Variants in DMXL1 observed in about 807,000 individuals in gnomAD.
DMXL1 encodes Dmx like 1.
In DMXL1, 99 loss-of-function variants were observed where a neutral mutation model predicts 319.2. The observed-to-expected ratio is 0.31, with a 90% CI of 0.26 to 0.37. The LOEUF (loss-of-function observed/expected upper bound fraction) is 0.37. Ranked by LOEUF, DMXL1 falls within the 10% of genes least tolerant of loss-of-function variation. The probability of loss-of-function intolerance (pLI) is 1.00; values close to 1 mark genes in which losing one functional copy is unlikely to be tolerated. For missense variants in DMXL1, 3,745 were observed against 3,595.6 expected (o/e 1.04, Z -1.06); for synonymous variants, 1,385 against 1,235.2 (o/e 1.12, Z -2.54).
intron 32 of DMXL1, among the ~76,000 whole-genome samples, chr5:119,202,290 G>C (rs1780842864): frequency 6.6e-6 from 1 of 152,058 alleles, no homozygotes; most frequent in South Asian, 2.1e-4. Context: ...AGATCCTATG[G>C]CCCTAGGTTA....
At position 119,102,918 on chromosome 5, in the gene DMXL1, A is replaced by G. The variant is rs375178697; in HGVS notation, c.285+912A>G. Among the ~76,000 whole-genome samples the G allele has an allele frequency of 1.8e-4, 27 of 152,240 alleles. 1 individual carries two copies. The East Asian group carries it at 3.3e-3, about 18-fold the overall frequency. On this transcript the variant is annotated intron_variant, in intron 3 of 43. Coordinates refer to ENST00000539542, the MANE Select transcript of DMXL1 (RefSeq NM_001290321.3). ...AAGGAAACAACAGACACTGAGGTCTACTTGAGGGTGGAGTGTGGCAGAAGG... is the reference window on the plus strand; with the variant it reads ...AAGGAAACAACAGACACTGAGGTCTGCTTGAGGGTGGAGTGTGGCAGAAGG...
Position 119,134,167 on chromosome 5 carries a change from G to C in DMXL1, c.2243G>C (p.Ser748Thr), listed in dbSNP as rs1765504404. The C allele has an allele frequency of 6.2e-7, 1 of 1,612,566 alleles. No individual in the cohort carries two copies. Among genetic ancestry groups the C allele is most frequent in the African/African-American group, 1.3e-5 (1 of 74,774 alleles). The stretch of plus-strand genomic sequence containing the variant: ...GCATGGCTGCCCACTCTTATACCCA[G>C]TTATTGTCTGGGTAAGTATTCTGGT... The part of the protein sequence containing the change: ...NVAWLPTLIP[S>T]YCLGAYCNSP... The change falls in exon 12 of 44, where the codon AGT (serine) becomes ACT (threonine). Residue 748 changes from serine to threonine, a missense_variant. By Grantham distance (58) the Ser-to-Thr change is moderately conservative. This residue lies in a region of DMXL1 where 2,096 missense variants were observed against 1,985.4 expected (regional missense o/e 1.06). Coordinates refer to ENST00000539542, the MANE Select transcript of DMXL1 (RefSeq NM_001290321.3).
At chr5:119,159,328 C>G (rs2150193963) in intron 19 of DMXL1, among the ~76,000 whole-genome samples, 1 of 152,316 alleles carries the variant, frequency 6.6e-6, no homozygotes, top group South Asian at 2.1e-4. Context: ...AACTTCTGAC[C>G]TCAAGTAATC....
intron 40 of DMXL1, among the ~76,000 whole-genome samples, chr5:119,238,673 A>G (rs1015835862): frequency 2.0e-5 from 3 of 152,198 alleles, no homozygotes; most frequent in African/African-American, 7.2e-5. Flanking sequence ...AAAGAGATTC[A>G]TAACGGGTCA....
At chr5:119,189,599 T>C (rs1179329583) in intron 28 of DMXL1, 109 bp from the exon 29 acceptor site, 3 of 972,564 alleles carry the variant, frequency 3.1e-6, no homozygotes, top group Non-Finnish European at 1.5e-6. Context: ...CTCAATCTTA[T>C]TTTTTTGTGT....
intron 37 of DMXL1, among the ~76,000 whole-genome samples, chr5:119,223,389 A>C (rs1784981915): frequency 6.6e-6 from 1 of 152,094 alleles, no homozygotes; most frequent in Non-Finnish European, 1.5e-5. Flanking sequence ...CCTGGAATCT[A>C]AGCTCTTCGA....
At chr5:119,089,271 T>C (rs1754062962) in intron 1 of DMXL1, among the ~76,000 whole-genome samples, 2 of 68,036 alleles carry the variant, frequency 2.9e-5, no homozygotes, top group South Asian at 1.5e-3. Context: ...TGCATATATA[T>C]ATATACATAT....
chr5:119,118,289 T>G (rs544636754), intron 7 of DMXL1, among the ~76,000 whole-genome samples: 1 of 152,322 alleles, frequency 6.6e-6, no homozygotes, highest in Non-Finnish European at 1.5e-5. Flanking sequence ...TGTGACAGTG[T>G]GCAGGTGCCT....
At chr5:119,155,378 A>T (rs150844877) in intron 19 of DMXL1, among the ~76,000 whole-genome samples, 193 of 152,332 alleles carry the variant, frequency 1.3e-3, no homozygotes, top group African/African-American at 4.6e-3. Context: ...TCAAAATATC[A>T]ACATTAACAA....
intron 19 of DMXL1, among the ~76,000 whole-genome samples, chr5:119,155,985 G>C (rs1444433304): frequency 1.3e-5 from 2 of 152,172 alleles, no homozygotes; most frequent in Admixed American, 6.5e-5. Flanking sequence ...TGTAAACTTA[G>C]TTGATAGAGC....
intron 39 of DMXL1, among the ~76,000 whole-genome samples, chr5:119,235,524 GA>G (rs919492277): frequency 7.9e-5 from 12 of 151,732 alleles, no homozygotes; most frequent in East Asian, 7.7e-4. Context: ...TATTTCAGAA[GA>G]AAAAAATGGA....
chr5:119,099,669 A>G (rs1174453623), intron 2 of DMXL1, among the ~76,000 whole-genome samples: 1 of 152,156 alleles, frequency 6.6e-6, no homozygotes, highest in Non-Finnish European at 1.5e-5. Flanking sequence ...AATATGAGCT[A>G]TCTTTTTGTG....
At position 119,075,474 on chromosome 5, in the gene DMXL1, A is replaced by C. The variant is rs866302379; in HGVS notation, c.87+3818A>C. Among the ~76,000 whole-genome samples the C allele has an allele frequency of 2.6e-5, 4 of 151,622 alleles. No homozygotes were observed. The East Asian group carries it at 5.8e-4, about 22-fold the overall frequency. ...GGCTGGTCTTGAACTCCTCACCTCA[A>C]ATGATCCGCCCACCTCGGCCTCCCC... On this transcript the variant is annotated intron_variant, in intron 1 of 43. Transcript: ENST00000539542.
chr5:119,224,652 A>G (rs550942782), intron 37 of DMXL1, 57 bp from the exon 38 acceptor site: 3 of 636,250 alleles, frequency 4.7e-6, no homozygotes, highest in Admixed American at 3.1e-5. Flanking sequence ...TCCTGTCACA[A>G]TTTAAATGTT....
intron 34 of DMXL1, among the ~76,000 whole-genome samples, chr5:119,208,307 G>A (rs553871406): frequency 6.0e-5 from 9 of 150,424 alleles, no homozygotes; most frequent in East Asian, 2.0e-4. Flanking sequence ...TCCGCCTCCC[G>A]GGTTCAAGCG....
chr5:119,170,474 T>C lies in DMXL1; in HGVS notation c.5683T>C (p.Ser1895Pro). The change falls in exon 24 of 44, where the codon TCT becomes CCT. Residue 1895 changes from serine (S) to proline (P), a missense_variant. This residue lies in a region of DMXL1 where 1,382 missense variants were observed against 1,269.5 expected (regional missense o/e 1.09). Transcript: ENST00000539542. The part of the protein sequence containing the change: ...IKKTRPFYRA[S>P]SFLDTSKDCS... Reference sequence around the variant, plus strand: ...GAAAACAAGACCTTTTTATAGGGCTTCTAGTTTTCTGGATACTAGTAAAGA... The same window carrying C: ...GAAAACAAGACCTTTTTATAGGGCTCCTAGTTTTCTGGATACTAGTAAAGA... 6.2e-7 allele frequency: 1 copy of C among 1,613,794 alleles called. No homozygotes were observed. Among genetic ancestry groups the C allele is most frequent in the South Asian group, 1.1e-5 (1 of 91,024 alleles).
At chr5:119,143,418 A>G (rs1767851835) in intron 13 of DMXL1, among the ~76,000 whole-genome samples, 1 of 152,040 alleles carries the variant, frequency 6.6e-6, no homozygotes. Flanking sequence ...TAGCAGTGTG[A>G]CCTTGACTAA....
chr5:119,209,657 A>T (rs1410675536), intron 34 of DMXL1, among the ~76,000 whole-genome samples: 1 of 152,138 alleles, frequency 6.6e-6, no homozygotes, highest in Non-Finnish European at 1.5e-5. Flanking sequence ...CTTGCATCAC[A>T]TTCTTACCAA....
intron 5 of DMXL1, among the ~76,000 whole-genome samples, chr5:119,110,697 C>A (rs995331457): frequency 2.0e-5 from 3 of 152,002 alleles, no homozygotes; most frequent in Admixed American, 6.6e-5. Context: ...CTTAAAAGGA[C>A]AAATATGGGA....
Sources: gnomAD v4.1 joint callset for allele counts (sites outside exome capture counted in the v4.1 genomes callset) on GRCh38, gnomAD v4.1.1 for gene constraint, gnomAD v4.1.1 regional missense constraint, MANE v1.5 for transcripts, NCBI Gene and HGNC (gene_info 2026-07-23, HGNC 2026-07-21) for gene names.